The following MAGI1 variants were observed in gnomAD, a reference collection of about 807,000 sequenced individuals.
MAGI1 encodes membrane-associated guanylate kinase, WW and PDZ domain-containing protein 1.
In MAGI1, 58 loss-of-function variants were observed where a neutral mutation model predicts 139.9. The ratio of observed to expected loss-of-function variants is 0.41; its 90% CI spans 0.34 to 0.52. The LOEUF (loss-of-function observed/expected upper bound fraction) is 0.52, where lower values mean the gene tolerates loss of function less well. Ranked by LOEUF, MAGI1 falls within the 20% of genes least tolerant of loss-of-function variation. The pLI, the probability that MAGI1 is intolerant of heterozygous loss-of-function variation, is 0.12. For synonymous variants in MAGI1, 812 were observed against 737.9 expected, an observed-to-expected ratio of 1.10 and a Z score of -1.63; for missense variants, 1,874 against 1,901.6, an observed-to-expected ratio of 0.99 and a Z score of 0.27.
At chr3:65,906,676 A>T (rs2061445891) in intron 1 of MAGI1, among the ~76,000 whole-genome samples, 1 of 152,132 alleles carries the variant, frequency 6.6e-6, no homozygotes, top group Non-Finnish European at 1.5e-5. Context: ...ATTTGAGGTC[A>T]GGAGTTAGAG....
At chr3:65,461,202 T>G (rs1341370918) in intron 5 of MAGI1, among the ~76,000 whole-genome samples, 1 of 152,010 alleles carries the variant, frequency 6.6e-6, no homozygotes, top group African/African-American at 2.4e-5. Flanking sequence ...TGTTGTTTCT[T>G]GACTTTTTAT....
At chr3:66,023,730 T>A (rs1030107069) in intron 1 of MAGI1, among the ~76,000 whole-genome samples, 2 of 152,172 alleles carry the variant, frequency 1.3e-5, no homozygotes, top group African/African-American at 2.4e-5. Flanking sequence ...CCCTAAATGG[T>A]ATACATAAAC....
rs187012287 is a variant in MAGI1, at chr3:65,665,487, T to A, written c.314-43399A>T. Among the ~76,000 whole-genome samples, 18 of 152,312 alleles carry A rather than the reference T, an allele frequency of 1.2e-4. No homozygotes were observed. The East Asian group carries it at 1.3e-3, about 11-fold the overall frequency. On this transcript the variant is annotated intron_variant, in intron 1 of 22. Transcript: ENST00000402939. The stretch of plus-strand genomic sequence containing the variant: ...TCAACCCTTCTCAGTGACATCTTAT[T>A]ATAAAGAAATACTGCATATGTGATT...
chr3:65,656,334 G>C (rs540034424), intron 1 of MAGI1, among the ~76,000 whole-genome samples: 1 of 152,270 alleles, frequency 6.6e-6, no homozygotes, highest in Non-Finnish European at 1.5e-5. Flanking sequence ...GCAAGGGTCT[G>C]TTCCATTTGG....
intron 1 of MAGI1, among the ~76,000 whole-genome samples, chr3:65,720,918 T>A (rs1559818855): frequency 6.6e-6 from 1 of 151,898 alleles, no homozygotes; most frequent in Non-Finnish European, 1.5e-5. Context: ...CCTGGCTAAT[T>A]TTTTGTAGAG....
At chr3:65,628,587 G>A (rs1187224762) in intron 1 of MAGI1, among the ~76,000 whole-genome samples, 6 of 151,680 alleles carry the variant, frequency 4.0e-5, no homozygotes, top group Non-Finnish European at 4.4e-5. Context: ...CCAGACTCTC[G>A]GGGAAAAAAA....
chr3:65,715,244 A>C (rs1363972724), intron 1 of MAGI1, among the ~76,000 whole-genome samples: 1 of 152,226 alleles, frequency 6.6e-6, no homozygotes, highest in Non-Finnish European at 1.5e-5. Context: ...AATTTTCTGC[A>C]TCCCAAATTA....
chr3:65,915,409 C>T (rs1048052073), intron 1 of MAGI1, among the ~76,000 whole-genome samples: 1 of 152,240 alleles, frequency 6.6e-6, no homozygotes, highest in African/African-American at 2.4e-5. Context: ...AAAATTCACA[C>T]CCGTTCAAGT....
chr3:65,851,064 G>A (rs532470417), intron 1 of MAGI1, among the ~76,000 whole-genome samples: 2 of 152,132 alleles, frequency 1.3e-5, no homozygotes, highest in South Asian at 2.1e-4. Context: ...CCGAGATCAC[G>A]CCACTGCACT....
intron 1 of MAGI1, among the ~76,000 whole-genome samples, chr3:65,825,065 C>T (rs1478908228): frequency 1.3e-5 from 2 of 152,178 alleles, no homozygotes; most frequent in Non-Finnish European, 2.9e-5. Flanking sequence ...TTCAAAAGCG[C>T]AGACACAGAA....
At chr3:65,852,345 A>G (rs1337015481) in intron 1 of MAGI1, among the ~76,000 whole-genome samples, 2 of 152,014 alleles carry the variant, frequency 1.3e-5, no homozygotes, top group Non-Finnish European at 2.9e-5. Flanking sequence ...GAGGGTAGTG[A>G]GCAAACATAT....
chr3:65,667,380 A>G (rs1230947896), intron 1 of MAGI1, among the ~76,000 whole-genome samples: 3 of 152,148 alleles, frequency 2.0e-5, no homozygotes, highest in Non-Finnish European at 4.4e-5. Context: ...CCTGGGAGAA[A>G]AGCAGCCAGA....
intron 1 of MAGI1, among the ~76,000 whole-genome samples, chr3:65,720,583 G>A (rs374451473): frequency 1.3e-5 from 2 of 152,092 alleles, no homozygotes; most frequent in East Asian, 1.9e-4. Flanking sequence ...CATCACCCAC[G>A]GTAAGCTCAC....
chr3:65,781,561 G>T (rs962532697), intron 1 of MAGI1, among the ~76,000 whole-genome samples: 1 of 152,152 alleles, frequency 6.6e-6, no homozygotes, highest in Non-Finnish European at 1.5e-5. Flanking sequence ...CACAGAAATA[G>T]ATTCATTTAA....
At chr3:65,683,015 T>A (rs1287018549) in intron 1 of MAGI1, among the ~76,000 whole-genome samples, 3 of 151,944 alleles carry the variant, frequency 2.0e-5, no homozygotes, top group Non-Finnish European at 2.9e-5. Context: ...ATCCCCCACA[T>A]GCACAGTTCA....
rs143474526 is a variant in MAGI1 at position 65,566,933 on chromosome 3, T to C, written c.430+55039A>G. Among the ~76,000 whole-genome samples the C allele has an allele frequency of 2.7e-3, 413 of 152,256 alleles. 7 individuals are homozygous for C. Among genetic ancestry groups the C allele is most frequent in the East Asian group, 2.9e-3 (15 of 5,156 alleles). On this transcript the variant is annotated intron_variant, in intron 2 of 22. Coordinates refer to ENST00000402939, the MANE Select transcript of MAGI1 (RefSeq NM_001033057.2). ...TATTAATTAAAATCTTGTGAATGCA[T>C]CTACATGGCTGTACATCGACATTGT...
At chr3:65,658,746 G>A (rs1290995401) in intron 1 of MAGI1, among the ~76,000 whole-genome samples, 2 of 152,236 alleles carry the variant, frequency 1.3e-5, no homozygotes, top group Admixed American at 6.5e-5. Flanking sequence ...TTGTTCATCC[G>A]TTCACAAGCC....
At chr3:65,848,171 C>T (rs574266768) in intron 1 of MAGI1, among the ~76,000 whole-genome samples, 5 of 152,306 alleles carry the variant, frequency 3.3e-5, no homozygotes, top group South Asian at 4.1e-4. Flanking sequence ...TGTCAGACCA[C>T]GTGTCTCTGT....
chr3:65,439,583 T>C (rs927604313), intron 9 of MAGI1, among the ~76,000 whole-genome samples: 2 of 152,198 alleles, frequency 1.3e-5, no homozygotes, highest in Non-Finnish European at 1.5e-5. Flanking sequence ...CCAGTTGCAA[T>C]GCAAATACTG....
Sources: gnomAD v4.1 joint callset for allele counts (sites outside exome capture counted in the v4.1 genomes callset) on GRCh38, gnomAD v4.1.1 for gene constraint, MANE v1.5 for transcripts, NCBI Gene and HGNC (gene_info 2026-07-23, HGNC 2026-07-21) for gene names.